The following MARCHF1 variants were observed in gnomAD, a reference collection of about 807,000 sequenced individuals.
The protein encoded by MARCHF1 is E3 ubiquitin-protein ligase MARCHF1.
Under a neutral mutation model 54.2 loss-of-function variants are expected in MARCHF1, and 40 were observed. The observed-to-expected ratio is 0.74, with a 90% confidence interval of 0.57 to 0.96. The LOEUF is 0.96. Among genes scored for constraint, MARCHF1 ranks in the 40% least tolerant of loss-of-function variants. MARCHF1 has a pLI of 0.00. For synonymous variants in MARCHF1, 236 were observed against 236.3 expected, an observed-to-expected ratio of 1.00 and a Z score of 0.01; for missense variants, 586 against 656.5, an observed-to-expected ratio of 0.89 and a Z score of 1.17.
chr4:163,628,099 A>C (rs1741937154), intron 5 of MARCHF1, among the ~76,000 whole-genome samples: 1 of 152,174 alleles, frequency 6.6e-6, no homozygotes, highest in South Asian at 2.1e-4. Context: ...ATAAAAATTA[A>C]AAAAATTGTT....
At chr4:163,882,887 G>A (rs2059143902) in intron 3 of MARCHF1, among the ~76,000 whole-genome samples, 1 of 152,118 alleles carries the variant, frequency 6.6e-6, no homozygotes, top group African/African-American at 2.4e-5. Context: ...TGAGGTAGGA[G>A]GATCACCTGA....
chr4:163,970,557 G>A (rs1212994145), intron 3 of MARCHF1, among the ~76,000 whole-genome samples: 1 of 152,122 alleles, frequency 6.6e-6, no homozygotes, highest in Non-Finnish European at 1.5e-5. Flanking sequence ...AATGTTAAGT[G>A]GAAAGGAAGA....
At chr4:163,537,003 C>T (rs1018966375) in intron 9 of MARCHF1, among the ~76,000 whole-genome samples, 4 of 152,160 alleles carry the variant, frequency 2.6e-5, no homozygotes, top group African/African-American at 9.7e-5. Context: ...TAACAGACAG[C>T]CTGCTCTTTT....
chr4:163,600,051 C>T lies in MARCHF1; in HGVS notation c.1010+12220G>A, dbSNP rs1047784599. Among the ~76,000 whole-genome samples the T allele has an allele frequency of 3.9e-5, 6 of 152,220 alleles. No homozygotes were observed. The South Asian group carries it at 1.0e-3, about 26-fold the overall frequency. On this transcript the variant is annotated intron_variant, in intron 7 of 9. Coordinates refer to ENST00000514618, the MANE Select transcript of MARCHF1 (RefSeq NM_001394959.1). ...ATAAATTTGTACCAGTTGCTAGCCC[C>T]CAGGCTTCTTTTCTGGTGTGTCTAA...
chr4:164,244,845 CT>C (rs1732890426), intron 1 of MARCHF1, among the ~76,000 whole-genome samples: 1 of 151,784 alleles, frequency 6.6e-6, no homozygotes, highest in Non-Finnish European at 1.5e-5. Flanking sequence ...CGCAAATAAA[CT>C]AGAAAATCTA....
rs1390399318 is a variant in MARCHF1 at position 163,625,866 on chromosome 4, T to C, written c.163-12473A>G. Among the ~76,000 whole-genome samples the C allele has an allele frequency of 2.0e-5, 3 of 152,168 alleles. No individual in the cohort carries two copies. In the East Asian group the frequency reaches 5.8e-4, roughly 29 times the overall value. ...AAGGGTCTTTTTAAAAAGAAAACAC[T>C]GTAATTGAGGATAAAATGAATTAAT... On this transcript the variant is annotated intron_variant, in intron 5 of 9. Coordinates refer to ENST00000514618, the MANE Select transcript of MARCHF1 (RefSeq NM_001394959.1).
chr4:164,235,543 A>G (rs779863161), intron 1 of MARCHF1, among the ~76,000 whole-genome samples: 6 of 152,124 alleles, frequency 3.9e-5, no homozygotes, highest in South Asian at 4.1e-4. Context: ...TACAGGAACT[A>G]TTAGTGAAGA....
At chr4:164,319,562 TA>T (rs751955291) in intron 1 of MARCHF1, among the ~76,000 whole-genome samples, 8 of 152,090 alleles carry the variant, frequency 5.3e-5, no homozygotes, top group Non-Finnish European at 1.2e-4. Context: ...CCATGTGAGG[TA>T]AAAAGGTCTT....
rs1317740624 is a variant in MARCHF1, at chr4:163,934,908, T to C, written c.-39+53593A>G. ...ATATTCTTAATGACATCTGCAATGATGAATCCTTTCCAGAGGTTTTCAATT... is the reference window on the plus strand; with the variant it reads ...ATATTCTTAATGACATCTGCAATGACGAATCCTTTCCAGAGGTTTTCAATT... On this transcript the variant is annotated intron_variant, in intron 3 of 9. Coordinates refer to ENST00000514618, the MANE Select transcript of MARCHF1 (RefSeq NM_001394959.1). 3.3e-5 allele frequency among the ~76,000 whole-genome samples: 5 copies of C among 152,306 alleles called. No homozygotes were observed. In the South Asian group the frequency reaches 8.3e-4, roughly 25 times the overall value.
intron 1 of MARCHF1, among the ~76,000 whole-genome samples, chr4:164,292,502 A>G (rs1048856709): frequency 3.9e-5 from 6 of 152,170 alleles, no homozygotes; most frequent in African/African-American, 1.4e-4. Flanking sequence ...TTCAGATAAC[A>G]TGTAAAAATC....
chr4:163,982,591 T>C (rs376148225), intron 3 of MARCHF1, among the ~76,000 whole-genome samples: 18 of 152,200 alleles, frequency 1.2e-4, no homozygotes, highest in East Asian at 5.8e-4. Context: ...ATAAAGGACA[T>C]ATATCAAATC....
intron 1 of MARCHF1, among the ~76,000 whole-genome samples, chr4:164,216,863 G>A (rs1040363383): frequency 8.6e-5 from 13 of 152,040 alleles, no homozygotes; most frequent in Non-Finnish European, 1.3e-4. Context: ...TGTCTGCAAA[G>A]GTCAATATGT....
At position 163,854,267 on chromosome 4, in the gene MARCHF1, C is replaced by T. The variant is rs143015186; in HGVS notation, c.-38-98G>A. The T allele has an allele frequency of 7.1e-3, 6,348 of 898,540 alleles. 29 individuals are homozygous for T. Among genetic ancestry groups the T allele is most frequent in the Non-Finnish European group, 8.1e-3 (5,095 of 630,258 alleles). 55.7% of individuals were successfully genotyped at this position (898,540 alleles called of 1,614,324 possible). ...ATTAAATCAACAATATAACAAAACA[C>T]TAATTGAGACTTTTTTAAAAAAACC... On this transcript the variant is annotated intron_variant, in intron 3 of 9. Coordinates refer to ENST00000514618, the MANE Select transcript of MARCHF1 (RefSeq NM_001394959.1).
At chr4:164,145,329 A>G (rs1451270990) in intron 1 of MARCHF1, among the ~76,000 whole-genome samples, 1 of 152,116 alleles carries the variant, frequency 6.6e-6, no homozygotes, top group South Asian at 2.1e-4. Context: ...TTATGAGGCC[A>G]GCATCATCCT....
At chr4:164,076,265 G>T (rs992062859) in intron 2 of MARCHF1, among the ~76,000 whole-genome samples, 23 of 152,070 alleles carry the variant, frequency 1.5e-4, no homozygotes, top group Non-Finnish European at 2.6e-4. Context: ...AAGTGCATAA[G>T]AAGACTTTGA....
In MARCHF1 at chr4:163,919,520, A is replaced by G. The variant is rs1751379329; in HGVS notation, c.-38-65351T>C. ...TTATGTGTATTTTTTCTTTCTCTCT[A>G]TATTACTGTATTTCCCCTTGTTTGT... is the stretch of plus-strand genomic sequence containing the variant. On this transcript the variant is annotated intron_variant, in intron 3 of 9. Transcript: ENST00000514618. Among the ~76,000 whole-genome samples the G allele has an allele frequency of 2.6e-5, 4 of 151,934 alleles. No homozygotes were observed. The South Asian group carries it at 8.3e-4, about 31-fold the overall frequency.
At position 164,240,385 on chromosome 4, in the gene MARCHF1, T is replaced by C. The variant is rs529385817; in HGVS notation, c.-322-128723A>G. ...TAGAGATTGCTTTCTGCAATGTATA[T>C]TGGTGTCTGGATAAGTTTCCAGGAC... On this transcript the variant is annotated intron_variant, in intron 1 of 9. Transcript: ENST00000514618. 8.5e-5 allele frequency among the ~76,000 whole-genome samples: 13 copies of C among 152,326 alleles called. No individual in the cohort carries two copies. In the East Asian group the frequency reaches 1.4e-3, roughly 16 times the overall value.
At chr4:163,708,423 A>G (rs576194542) in intron 4 of MARCHF1, among the ~76,000 whole-genome samples, 3 of 152,236 alleles carry the variant, frequency 2.0e-5, no homozygotes, top group Admixed American at 2.0e-4. Flanking sequence ...GTTAAAACAA[A>G]AGGCATCATT....
At chr4:163,905,275 C>T (rs1579381744) in intron 3 of MARCHF1, among the ~76,000 whole-genome samples, 1 of 152,042 alleles carries the variant, frequency 6.6e-6, no homozygotes, top group Non-Finnish European at 1.5e-5. Flanking sequence ...TTTTCAATTC[C>T]ATTCAACAAA....
Sources: gnomAD v4.1 joint callset for allele counts (sites outside exome capture counted in the v4.1 genomes callset) on GRCh38, gnomAD v4.1.1 for gene constraint, MANE v1.5 for transcripts, NCBI Gene and HGNC (gene_info 2026-07-23, HGNC 2026-07-21) for gene names.